Variants in TMEM132D observed in about 807,000 individuals in gnomAD.
TMEM132D encodes mature OL transmembrane protein.
TMEM132D carries 21 observed loss-of-function variants against 62.3 expected under a neutral mutation model. The observed-to-expected ratio is 0.34, with a 90% CI of 0.24 to 0.49. The LOEUF is 0.49. Ranked by LOEUF, TMEM132D falls within the 20% of genes least tolerant of loss-of-function variation. The pLI is 0.99. For missense variants in TMEM132D, 1,346 were observed against 1,402.8 expected (o/e 0.96, Z 0.65); for synonymous variants, 621 against 575.6 (o/e 1.08, Z -1.13).
chr12:129,240,930 G>T (rs938731416), intron 4 of TMEM132D, among the ~76,000 whole-genome samples: 1 of 151,914 alleles, frequency 6.6e-6, no homozygotes, highest in Non-Finnish European at 1.5e-5. Context: ...TCTTTATCCT[G>T]CCTTCTGAAT....
intron 5 of TMEM132D, among the ~76,000 whole-genome samples, chr12:129,205,670 T>C (rs913493620): frequency 4.5e-4 from 69 of 152,068 alleles, no homozygotes; most frequent in African/African-American, 1.6e-3. Context: ...ATGAACCTCA[T>C]AGACATCTAC....
intron 5 of TMEM132D, among the ~76,000 whole-genome samples, chr12:129,104,846 C>G (rs1461954123): frequency 1.4e-5 from 2 of 141,608 alleles, no homozygotes; most frequent in African/African-American, 2.9e-5. Context: ...CAATGAGATA[C>G]CATCTTACAC....
At chr12:129,606,715 A>G (rs992312090) in intron 2 of TMEM132D, among the ~76,000 whole-genome samples, 11 of 152,194 alleles carry the variant, frequency 7.2e-5, no homozygotes, top group African/African-American at 2.7e-4. Context: ...TAACTGAGAT[A>G]ATTTTCTGCC....
chr12:129,773,596 C>T (rs1423484564), intron 1 of TMEM132D, among the ~76,000 whole-genome samples: 1 of 151,968 alleles, frequency 6.6e-6, no homozygotes, highest in East Asian at 1.9e-4. Flanking sequence ...GAGAGGCTTG[C>T]GTGTCTGGAG....
At chr12:129,420,755 C>T (rs1340182605) in intron 3 of TMEM132D, among the ~76,000 whole-genome samples, 1 of 152,212 alleles carries the variant, frequency 6.6e-6, no homozygotes, top group East Asian at 1.9e-4. Flanking sequence ...ACTAAAATCA[C>T]ACAAAGTTAA....
chr12:129,223,480 C>A (rs560799641), intron 4 of TMEM132D, among the ~76,000 whole-genome samples: 1 of 152,128 alleles, frequency 6.6e-6, no homozygotes, highest in Non-Finnish European at 1.5e-5. Context: ...CAGAGGACCA[C>A]GTAGACTCTA....
chr12:129,087,844 C>T (rs997117940), intron 5 of TMEM132D, among the ~76,000 whole-genome samples: 1 of 146,446 alleles, frequency 6.8e-6, no homozygotes, highest in Non-Finnish European at 1.5e-5. Flanking sequence ...AATGACACAC[C>T]GCAGAGCCCC....
At chr12:129,211,083 A>G (rs1389345348) in intron 4 of TMEM132D, 4 of 152,162 alleles carry the variant, frequency 2.6e-5, no homozygotes, top group Admixed American at 6.5e-5. Context: ...CAGAGATTGC[A>G]TTTTCTATCA....
At chr12:129,571,199 C>T (rs1877502294) in intron 2 of TMEM132D, among the ~76,000 whole-genome samples, 1 of 152,272 alleles carries the variant, frequency 6.6e-6, no homozygotes, top group South Asian at 2.1e-4. Flanking sequence ...CCATTCTTAC[C>T]GCAGGGTGAC....
At chr12:129,701,469 AC>A (rs1256835771) in intron 1 of TMEM132D, among the ~76,000 whole-genome samples, 1 of 152,132 alleles carries the variant, frequency 6.6e-6, no homozygotes, top group Non-Finnish European at 1.5e-5. Context: ...TCTATGAAAC[AC>A]TGGACCCTGA....
At chr12:129,400,627 G>A (rs1593365494) in intron 3 of TMEM132D, among the ~76,000 whole-genome samples, 1 of 152,204 alleles carries the variant, frequency 6.6e-6, no homozygotes, top group African/African-American at 2.4e-5. Context: ...TACTGGTTCT[G>A]CCCCTCAAAA....
chr12:129,271,124 T>C (rs1179642861), intron 4 of TMEM132D, among the ~76,000 whole-genome samples: 2 of 152,196 alleles, frequency 1.3e-5, no homozygotes, highest in East Asian at 1.9e-4. Flanking sequence ...TTTTAAGTAA[T>C]GTTTGTGAAA....
chr12:129,257,367 C>T lies in TMEM132D; in HGVS notation c.1300-47704G>A, dbSNP rs369585517. ...GACTACAGGCGCCCGCCACCACGAC[C>T]GGCTAATTTCTTTTTGTATTTTTAG... On this transcript the variant is annotated intron_variant, in intron 4 of 8. Transcript: ENST00000422113. Among the ~76,000 whole-genome samples, 20 of 152,086 alleles carry T rather than the reference C, an allele frequency of 1.3e-4. No individual in the cohort carries two copies. The East Asian group carries it at 1.7e-3, about 13-fold the overall frequency.
chr12:129,730,817 C>T (rs1348768559), intron 1 of TMEM132D, among the ~76,000 whole-genome samples: 1 of 152,008 alleles, frequency 6.6e-6, no homozygotes, highest in African/African-American at 2.4e-5. Flanking sequence ...TGGATGCTTC[C>T]TGCCCTCAAA....
At chr12:129,440,468 A>T (rs1872907710) in intron 3 of TMEM132D, among the ~76,000 whole-genome samples, 1 of 152,174 alleles carries the variant, frequency 6.6e-6, no homozygotes, top group Non-Finnish European at 1.5e-5. Flanking sequence ...GGAAATGATC[A>T]TGTGGCGCGT....
At chr12:129,232,553 C>T (rs1879670538) in intron 4 of TMEM132D, among the ~76,000 whole-genome samples, 1 of 152,144 alleles carries the variant, frequency 6.6e-6, no homozygotes, top group Non-Finnish European at 1.5e-5. Context: ...CAGTGCAGAG[C>T]ATGGCCTCAT....
rs142008437 is a variant in TMEM132D, at chr12:129,390,219, C to T, written c.1116-52402G>A. ...GGCCCACGGGCCAGTTCGGGTCCTC[C>T]GTCTTTTTTTGTGCCTGAAGTTCTA... is the stretch of plus-strand genomic sequence containing the variant. On this transcript the variant is annotated intron_variant, in intron 3 of 8. Transcript: ENST00000422113. Among the ~76,000 whole-genome samples the T allele has an allele frequency of 2.8e-3, 423 of 152,308 alleles. 5 individuals are homozygous for T. Among genetic ancestry groups the T allele is most frequent in the African/African-American group, 9.4e-3 (392 of 41,576 alleles).
At chr12:129,829,159 T>C (rs956639154) in intron 1 of TMEM132D, among the ~76,000 whole-genome samples, 1 of 152,076 alleles carries the variant, frequency 6.6e-6, no homozygotes, top group Non-Finnish European at 1.5e-5. Context: ...CTAGCTGATA[T>C]GTTATTCCTA....
intron 5 of TMEM132D, among the ~76,000 whole-genome samples, chr12:129,154,048 C>T (rs938913375): frequency 6.6e-6 from 1 of 152,190 alleles, no homozygotes; most frequent in Non-Finnish European, 1.5e-5. Context: ...CACAATTACT[C>T]TTATTTAAAA....
Sources: gnomAD v4.1 joint callset for allele counts (sites outside exome capture counted in the v4.1 genomes callset) on GRCh38, gnomAD v4.1.1 for gene constraint, MANE v1.5 for transcripts, NCBI Gene and HGNC (gene_info 2026-07-23, HGNC 2026-07-21) for gene names.